CPA4: variants seen among roughly 807,000 people sequenced by gnomAD.
CPA4 encodes the protein carboxypeptidase A4, also known as carboxypeptidase A3.
A neutral mutation model predicts 54.7 loss-of-function variants in CPA4; 49 were observed. The observed-to-expected ratio is 0.90, with a 90% confidence interval of 0.71 to 1.14. The LOEUF (loss-of-function observed/expected upper bound fraction) is 1.14. CPA4 is among the 50% of genes most tolerant of loss of function. The pLI, the probability that CPA4 is intolerant of heterozygous loss-of-function variation, is 0.00. For synonymous variants in CPA4, 215 were observed against 206.8 expected, an observed-to-expected ratio of 1.04 and a Z score of -0.34; for missense variants, 487 against 525.1, an observed-to-expected ratio of 0.93 and a Z score of 0.71.
At chr7:130,309,873 C>T (rs1054854205) in intron 8 of CPA4, among the ~76,000 whole-genome samples, 4 of 152,178 alleles carry the variant, frequency 2.6e-5, no homozygotes, top group Non-Finnish European at 4.4e-5. Flanking sequence ...TTAAGCAATC[C>T]TCCCACCTCA....
chr7:130,308,207 G>A (rs1051348480), intron 7 of CPA4, 100 bp from the exon 8 acceptor site: 16 of 991,024 alleles, frequency 1.6e-5, no homozygotes, highest in East Asian at 7.2e-5. Context: ...TGGCAGAACT[G>A]CAAGCAGCCT....
At chr7:130,306,415 G>C in intron 6 of CPA4, 1 of 236,072 alleles carries the variant, frequency 4.2e-6, no homozygotes, top group Non-Finnish European at 8.2e-6. Context: ...TGCTGGGAGG[G>C]GAGGAGGGGT....
chr7:130,322,505 C>A lies in CPA4; in HGVS notation c.1095C>A (p.Ser365Arg), dbSNP rs1424407486. The A allele has an allele frequency of 6.2e-6, 10 of 1,613,476 alleles. No homozygotes were observed. The highest frequency in any genetic ancestry group is 1.1e-5 in the South Asian group (1 of 90,996). ...GACTTACAGATCCAGCTAGCGGGAG[C>A]AGCATCGACTGGGCATATGACAACG... ...TCTTVYPASG[S>R]SIDWAYDNGI... is the part of the protein sequence containing the mutation. The change falls in exon 11 of 11, where the codon AGC (serine) becomes AGA (arginine). Residue 365 changes from serine to arginine, a missense_variant. Transcript: ENST00000222482.
In CPA4 at chr7:130,306,896, A is replaced by C. The variant is rs1485163969; in HGVS notation, c.701A>C (p.Gln234Pro). The C allele has an allele frequency of 2.0e-6, 3 of 1,502,312 alleles. No homozygotes were observed. Among genetic ancestry groups the C allele is most frequent in the Non-Finnish European group, 2.8e-6 (3 of 1,078,040 alleles). 93.1% of individuals were successfully genotyped at this position (1,502,312 alleles called of 1,614,324 possible). A position where few individuals can be genotyped will look rare whatever the true frequency, so the allele number is the denominator to read the frequency against. Residue 234 changes from glutamine to proline, a missense_variant and splice_region_variant, in exon 7 of 11, where the codon CAA (glutamine) becomes CCA (proline). By Grantham distance (76) the Gln-to-Pro change is moderately conservative (BLOSUM62 -1). Coordinates refer to ENST00000222482, the MANE Select transcript of CPA4 (RefSeq NM_016352.4). ...GATGGATATGTGTATACTCAAACTCAAGTGAGTATTCCCAAATGGGCTGGG... is the reference window on the plus strand; with the variant it reads ...GATGGATATGTGTATACTCAAACTCCAGTGAGTATTCCCAAATGGGCTGGG... Reference protein sequence around the residue: ...NPDGYVYTQTQNRLWRKTRSR... With the variant: ...NPDGYVYTQTPNRLWRKTRSR...
At chr7:130,307,241 GA>G (rs72406904) in intron 7 of CPA4, among the ~76,000 whole-genome samples, 59,514 of 149,194 alleles carry the variant, frequency 0.4, 11,681 homozygotes, top group Non-Finnish European at 0.42. Flanking sequence ...ACTGACGATA[GA>G]AAAAAAAAAA....
intron 5 of CPA4, among the ~76,000 whole-genome samples, chr7:130,304,878 C>G (rs1394880306): frequency 6.6e-6 from 1 of 152,162 alleles, no homozygotes; most frequent in Non-Finnish European, 1.5e-5. Context: ...ATTCTCACCT[C>G]TGTAAATAGC....
At position 130,300,804 on chromosome 7, in the gene CPA4, G is replaced by A. The variant is rs1390158288; in HGVS notation, c.286-12G>A. ...CAATGGATCACTTCACAACATTGCTGTGTGTTTTCAGGCCCTTTTAGACAA... is the reference window on the plus strand; with the variant it reads ...CAATGGATCACTTCACAACATTGCTATGTGTTTTCAGGCCCTTTTAGACAA... On this transcript the variant is annotated splice_polypyrimidine_tract_variant and intron_variant, in intron 3 of 10. Coordinates refer to ENST00000222482, the MANE Select transcript of CPA4 (RefSeq NM_016352.4). The A allele has an allele frequency of 2.5e-6, 4 of 1,587,964 alleles. No homozygotes were observed. In the South Asian group the frequency reaches 4.4e-5, roughly 18 times the overall value.
At chr7:130,319,019 G>A (rs1442598114) in intron 10 of CPA4, among the ~76,000 whole-genome samples, 1 of 152,104 alleles carries the variant, frequency 6.6e-6, no homozygotes, top group African/African-American at 2.4e-5. Flanking sequence ...ACCTCAGTTC[G>A]TATATGCTAA....
At position 130,300,809 on chromosome 7, in the gene CPA4, T is replaced by C. The variant is rs745443119; in HGVS notation, c.286-7T>C. On this transcript the variant is annotated splice_region_variant and splice_polypyrimidine_tract_variant and intron_variant, in intron 3 of 10. Coordinates refer to ENST00000222482, the MANE Select transcript of CPA4 (RefSeq NM_016352.4). ...GATCACTTCACAACATTGCTGTGTG[T>C]TTTCAGGCCCTTTTAGACAATGAAG... 1 of 1,604,948 alleles carries C rather than the reference T, an allele frequency of 6.2e-7. No individual in the cohort carries two copies. The highest frequency in any genetic ancestry group is 1.7e-5 in the Admixed American group (1 of 59,994).
chr7:130,307,390 G>C (rs1793838722), intron 7 of CPA4, among the ~76,000 whole-genome samples: 1 of 152,134 alleles, frequency 6.6e-6, no homozygotes, highest in Admixed American at 6.5e-5. Flanking sequence ...CCAGCACTTT[G>C]GGAGGCCGAG....
chr7:130,319,928 G>A (rs1191112126), intron 10 of CPA4, among the ~76,000 whole-genome samples: 2 of 152,174 alleles, frequency 1.3e-5, no homozygotes, highest in African/African-American at 2.4e-5. Flanking sequence ...AATTTCCAAA[G>A]ACAGACAGTC....
chr7:130,297,391 C>G (rs531872954), intron 1 of CPA4, among the ~76,000 whole-genome samples: 2 of 152,274 alleles, frequency 1.3e-5, no homozygotes, highest in South Asian at 4.1e-4. Context: ...TGAGACCTGC[C>G]CACCCAGTGG....
intron 10 of CPA4, among the ~76,000 whole-genome samples, chr7:130,314,488 T>G (rs1793959435): frequency 6.6e-6 from 1 of 152,322 alleles, no homozygotes; most frequent in Admixed American, 6.5e-5. Flanking sequence ...TAAAAGGTCA[T>G]GAAGGGTTGT....
chr7:130,297,184 G>T, intron 1 of CPA4, among the ~76,000 whole-genome samples: 1 of 152,218 alleles, frequency 6.6e-6, no homozygotes, highest in East Asian at 1.9e-4. Context: ...TGACCTCCTG[G>T]CCTCAAGCAA....
At chr7:130,313,067 C>T (rs1280648670) in intron 10 of CPA4, among the ~76,000 whole-genome samples, 4 of 152,120 alleles carry the variant, frequency 2.6e-5, no homozygotes, top group Non-Finnish European at 4.4e-5. Context: ...CAATCCAGAC[C>T]TTATAGTTAT....
rs192836760 is a variant in CPA4 at position 130,303,389 on chromosome 7, C to T, written c.385-1089C>T. 9.4e-4 allele frequency among the ~76,000 whole-genome samples: 143 copies of T among 152,270 alleles called. 1 individual carries two copies. The highest frequency in any genetic ancestry group is 3.4e-3 in the Middle Eastern group (1 of 294). On this transcript the variant is annotated intron_variant, in intron 4 of 10. Transcript: ENST00000222482. ...ATCCACAGGATGTAAGCAAGATAGT[C>T]CACTGGGATGAAGGAAGAAACAATT...
At chr7:130,317,746 C>T (rs938832420) in intron 10 of CPA4, among the ~76,000 whole-genome samples, 3 of 152,154 alleles carry the variant, frequency 2.0e-5, no homozygotes, top group Admixed American at 6.5e-5. Context: ...GGATTACAGG[C>T]GTGAGCCACC....
At chr7:130,300,746 AGATAT>A (rs1793727367) in intron 3 of CPA4, 65 bp from the exon 4 acceptor site, 2 of 1,072,126 alleles carry the variant, frequency 1.9e-6, no homozygotes, top group Non-Finnish European at 2.9e-6. Flanking sequence ...CCATATGCAA[AGATAT>A]GGCAGAAAAA....
intron 10 of CPA4, among the ~76,000 whole-genome samples, chr7:130,319,417 T>C (rs1574704): frequency 0.88 from 134,743 of 152,262 alleles, 59,852 homozygotes; most frequent in East Asian, 0.99. Context: ...CAGCATTATC[T>C]ATAGTTACAA....
Sources: gnomAD v4.1 joint callset for allele counts (sites outside exome capture counted in the v4.1 genomes callset) on GRCh38, gnomAD v4.1.1 for gene constraint, MANE v1.5 for transcripts, NCBI Gene and HGNC (gene_info 2026-07-23, HGNC 2026-07-21) for gene names.